Variants in ZNF443 observed in about 807,000 individuals in gnomAD.
ZNF443 encodes the protein Kruppel-type zinc finger (C2H2).
In ZNF443, 3 loss-of-function variants were observed where a neutral mutation model predicts 12.0. The observed-to-expected ratio is 0.25, with a 90% confidence interval of 0.11 to 0.64. The LOEUF (loss-of-function observed/expected upper bound fraction) is 0.64. Among genes scored for constraint, ZNF443 ranks in the 30% least tolerant of loss-of-function variants. The probability of loss-of-function intolerance (pLI) is 0.84; values close to 1 mark genes in which losing one functional copy is unlikely to be tolerated. For missense variants in ZNF443, 770 were observed against 808.8 expected, an observed-to-expected ratio of 0.95 and a Z score of 0.58; for synonymous variants, 225 against 265.9, an observed-to-expected ratio of 0.85 and a Z score of 1.50.
intron 1 of ZNF443, among the ~76,000 whole-genome samples, chr19:12,435,611 TA>T (rs1970301279): frequency 6.6e-6 from 1 of 152,140 alleles, no homozygotes; most frequent in African/African-American, 2.4e-5. Context: ...AAGCAGAACA[TA>T]AAGCATAAGT....
intron 1 of ZNF443, among the ~76,000 whole-genome samples, chr19:12,438,595 A>G (rs1201540691): frequency 6.6e-6 from 1 of 152,088 alleles, no homozygotes. Context: ...GTAAAAATGT[A>G]TTCCTTTTTT....
At chr19:12,440,660 G>A (rs1970355649) in intron 1 of ZNF443, among the ~76,000 whole-genome samples, 1 of 152,216 alleles carries the variant, frequency 6.6e-6, no homozygotes, top group Non-Finnish European at 1.5e-5. Flanking sequence ...GGGAGACCCG[G>A]GGCTGCGGGC....
intron 1 of ZNF443, among the ~76,000 whole-genome samples, chr19:12,438,992 C>T (rs1442289586): frequency 6.6e-6 from 1 of 152,180 alleles, no homozygotes; most frequent in Non-Finnish European, 1.5e-5. Context: ...GCAGTGCTGA[C>T]TGGAACACAG....
chr19:12,432,911 G>A (rs62111333), intron 2 of ZNF443, among the ~76,000 whole-genome samples, 160 bp downstream of exon 2: 36,640 of 138,664 alleles, frequency 0.26, 1,337 homozygotes, highest in South Asian at 0.37. Context: ...AGTTATATGA[G>A]GATGTACAAC....
intron 1 of ZNF443, among the ~76,000 whole-genome samples, chr19:12,439,512 G>A (rs1453263762): frequency 1.3e-5 from 2 of 151,926 alleles, no homozygotes; most frequent in East Asian, 3.9e-4. Flanking sequence ...TTTGAGACAG[G>A]GTCGGCCTCT....
intron 1 of ZNF443, among the ~76,000 whole-genome samples, chr19:12,438,457 T>TTA (rs1334504864): frequency 6.6e-6 from 1 of 152,236 alleles, no homozygotes; most frequent in Non-Finnish European, 1.5e-5. Flanking sequence ...AATTTAGCAT[T>TTA]CATCTGTCAG....
At chr19:12,439,726 C>T (rs746742476) in intron 1 of ZNF443, among the ~76,000 whole-genome samples, 13 of 152,054 alleles carry the variant, frequency 8.5e-5, no homozygotes, top group Non-Finnish European at 8.8e-5. Context: ...CTACTGGGAT[C>T]AAGCAATACC....
rs1292614260 is a variant in ZNF443, at chr19:12,434,690, AAC to A, written c.4-1495_4-1494del. ...ATAATATTTGGCTCCCCATACTATT[AAC>A]ACAGAGACAAATATATACATATACA... On this transcript the variant is annotated intron_variant, in intron 1 of 3. Coordinates refer to ENST00000301547, the MANE Select transcript of ZNF443 (RefSeq NM_005815.5). 2.0e-5 allele frequency among the ~76,000 whole-genome samples: 3 copies of A among 152,166 alleles called. No individual in the cohort carries two copies. In the South Asian group the frequency reaches 6.2e-4, roughly 32 times the overall value.
At chr19:12,434,839 T>C (rs2144953987) in intron 1 of ZNF443, among the ~76,000 whole-genome samples, 1 of 152,016 alleles carries the variant, frequency 6.6e-6, no homozygotes, top group South Asian at 2.1e-4. Flanking sequence ...GTTCCCAGTA[T>C]AGAACCCTGA....
intron 1 of ZNF443, among the ~76,000 whole-genome samples, chr19:12,436,490 G>A (rs1450360298): frequency 6.6e-6 from 1 of 151,832 alleles, no homozygotes; most frequent in Non-Finnish European, 1.5e-5. Context: ...CAAAAAAAAA[G>A]GGGTAGAAAT....
intron 3 of ZNF443, 40 bp from the exon 4 acceptor site, chr19:12,432,020 T>C: frequency 6.9e-7 from 1 of 1,453,210 alleles, no homozygotes; most frequent in East Asian, 2.3e-5. Flanking sequence ...AGTCGGTCTA[T>C]AAATAATTGT....
rs1599623305 is a variant in ZNF443 at position 12,438,913 on chromosome 19, C to T, written c.3+1999G>A. On this transcript the variant is annotated intron_variant, in intron 1 of 3. Coordinates refer to ENST00000301547, the MANE Select transcript of ZNF443 (RefSeq NM_005815.5). ...CAATCTCTAATCATAGGATGTATTT[C>T]ACGGTTAATCAAAAATTTAGGCTGA... Among the ~76,000 whole-genome samples, 8 of 152,258 alleles carry T rather than the reference C, an allele frequency of 5.3e-5. No individual in the cohort carries two copies. The East Asian group carries it at 1.3e-3, about 26-fold the overall frequency.
At chr19:12,437,134 A>G (rs1970319251) in intron 1 of ZNF443, among the ~76,000 whole-genome samples, 1 of 152,160 alleles carries the variant, frequency 6.6e-6, no homozygotes, top group Non-Finnish European at 1.5e-5. Context: ...TCAGCCCTGT[A>G]ATGCCAACAC....
rs1482391339 is a variant in ZNF443 at position 12,440,797 on chromosome 19, C to A, written c.3+115G>T. ...AGGGCCGACCTACGCCAGGGGGACC[C>A]GGGTCCGTAGATCCCGAAGTCGCCC... On this transcript the variant is annotated intron_variant, in intron 1 of 3. Transcript: ENST00000301547. 5.7e-6 allele frequency: 9 copies of A among 1,565,836 alleles called. No homozygotes were observed. The Admixed American group carries it at 1.5e-4, about 26-fold the overall frequency.
chr19:12,429,969 C>A lies in ZNF443; in HGVS notation c.*187G>T, dbSNP rs1417107199. 2.3e-6 allele frequency: 2 copies of A among 865,720 alleles called. No homozygotes were observed. Among genetic ancestry groups the A allele is most frequent in the Middle Eastern group, 3.3e-4 (1 of 3,042 alleles). The allele number at this position is 865,720 out of a possible 1,614,324, so 53.6% of individuals were successfully genotyped here. A position where few individuals can be genotyped will look rare whatever the true frequency, so the allele number is the denominator to read the frequency against. On this transcript the variant is annotated 3_prime_UTR_variant, in exon 4 of 4. Transcript: ENST00000301547. ...TATAAAAGGGACTGGACATGGCTCA[C>A]GGAGTGCTGGAACCAATACCCAGCA...
rs1164125502 is a variant in ZNF443 at position 12,430,934 on chromosome 19, A to T, written c.1238T>A (p.Ile413Lys). Residue 413 changes from isoleucine (I) to lysine (K), a missense_variant, in exon 4 of 4, where the codon ATA becomes AAA. Coordinates refer to ENST00000301547, the MANE Select transcript of ZNF443 (RefSeq NM_005815.5). ...ATGAGGTCCATCTCCAGTGTGCATT[A>T]TCATATGACTTCGAAAGCTTGAGCG... ...SHRSSFRSHM[I>K]MHTGDGPHKC... The T allele has an allele frequency of 2.5e-6, 4 of 1,613,290 alleles. No individual in the cohort carries two copies. The highest frequency in any genetic ancestry group is 3.4e-6 in the Non-Finnish European group (4 of 1,179,822).
At chr19:12,440,444 C>T (rs1216797256) in intron 1 of ZNF443, among the ~76,000 whole-genome samples, 2 of 152,188 alleles carry the variant, frequency 1.3e-5, no homozygotes, top group Non-Finnish European at 2.9e-5. Context: ...GTTTCTTCAC[C>T]TCCTGTCCCA....
Position 12,439,594 on chromosome 19 carries a change from A to G in ZNF443, c.3+1318T>C, listed in dbSNP as rs775647405. 3.2e-4 allele frequency among the ~76,000 whole-genome samples: 49 copies of G among 152,138 alleles called. 1 individual carries two copies. The highest frequency in any genetic ancestry group is 2.9e-4 in the Non-Finnish European group (20 of 67,966). On this transcript the variant is annotated intron_variant, in intron 1 of 3. Transcript: ENST00000301547. ...TTCAAACTCCTGGGCTCCAGCCATC[A>G]TCCCACCTCAGCCTCAGGAGTAGCT...
In ZNF443 at chr19:12,430,742, T is replaced by C. The variant is rs772968972; in HGVS notation, c.1430A>G (p.Tyr477Cys). 8.7e-6 allele frequency: 14 copies of C among 1,613,106 alleles called. No individual in the cohort carries two copies. In the South Asian group the frequency reaches 1.1e-4, roughly 13 times the overall value. Residue 477 changes from tyrosine to cysteine, a missense_variant, in exon 4 of 4, where the codon TAT becomes TGT. Around this residue, in one of 3 missense-constraint regions of ZNF443, gnomAD observed 736 missense variants for 689.4 expected, o/e 1.07. Transcript: ENST00000301547. ...HETTHTGEKP[Y>C]KCKLGKACID... ...ACAGGCTTTCCCAAGTTTGCATTTA[T>C]AGGGTTTCTCTCCAGTATGAGTTGT...
Sources: allele counts gnomAD v4.1 joint callset (sites outside exome capture counted in the v4.1 genomes callset), GRCh38; gene constraint gnomAD v4.1.1; regional missense constraint gnomAD v4.1.1; transcripts MANE v1.5; gene names NCBI Gene and HGNC (gene_info 2026-07-23, HGNC 2026-07-21).